Variants in ABCA13 observed in about 807,000 individuals in gnomAD.
ABCA13 encodes the protein ATP binding cassette subfamily A member 13, also known as ATP-binding cassette sub-family A member 13.
In ABCA13, 476 loss-of-function variants were observed where a neutral mutation model predicts 478.7. The observed-to-expected ratio is 0.99, with a 90% CI of 0.92 to 1.07. The LOEUF is 1.07. ABCA13 is among the 50% of genes least tolerant of loss of function. The pLI, the probability that ABCA13 is intolerant of heterozygous loss-of-function variation, is 0.00. For synonymous variants in ABCA13, 2,252 were observed against 2,158.9 expected, an observed-to-expected ratio of 1.04 and a Z score of -1.20; for missense variants, 6,060 against 5,910.6, an observed-to-expected ratio of 1.03 and a Z score of -0.83.
intron 19 of ABCA13, among the ~76,000 whole-genome samples, chr7:48,285,540 A>G (rs904792584): frequency 6.6e-6 from 1 of 152,244 alleles, no homozygotes; most frequent in African/African-American, 2.4e-5. Context: ...ACAGCCCAGC[A>G]CTGCATCCCA....
chr7:48,272,734 G>C lies in ABCA13; in HGVS notation c.3068G>C (p.Gly1023Ala), dbSNP rs1584546234. The change falls in exon 17 of 62, where the codon GGA becomes GCA. Residue 1023 changes from glycine (G) to alanine (A), a missense_variant. By Grantham distance (60) the Gly-to-Ala change is moderately conservative. This residue lies in a region of ABCA13 where 4,423 missense variants were observed against 4,309.1 expected (regional missense o/e 1.03). Transcript: ENST00000435803. ...FLFKTAEVLGGISNVSYCQQL... is the reference protein window; with the variant it reads ...FLFKTAEVLGAISNVSYCQQL... Reference sequence around the variant, plus strand: ...TTTAAGACAGCAGAGGTTCTTGGGGGAATTTCTAATGTATCTTACTGTCAG... The same window carrying C: ...TTTAAGACAGCAGAGGTTCTTGGGGCAATTTCTAATGTATCTTACTGTCAG... 1 of 1,609,978 alleles carries C rather than the reference G, an allele frequency of 6.2e-7. No individual in the cohort carries two copies.
rs75692489 is a variant in ABCA13 at position 48,513,158 on chromosome 7, G to C, written c.13640+1959G>C. Among the ~76,000 whole-genome samples, 721 of 152,304 alleles carry C rather than the reference G, an allele frequency of 4.7e-3. 4 individuals carry two copies. The highest frequency in any genetic ancestry group is 0.016 in the African/African-American group (680 of 41,568). On this transcript the variant is annotated intron_variant, in intron 51 of 61. Transcript: ENST00000435803. ...AGGATAGCAGAATTGGCTCATGCCT[G>C]CTGTCCTTCTAAGGACCTATGGGTA...
intron 31 of ABCA13, among the ~76,000 whole-genome samples, chr7:48,353,614 C>T (rs1809406277): frequency 6.6e-6 from 1 of 151,586 alleles, no homozygotes; most frequent in African/African-American, 2.4e-5. Flanking sequence ...CTGGGCGACA[C>T]ACACGTGAGG....
At chr7:48,175,197 CTAAT>C (rs1256228981) in intron 1 of ABCA13, among the ~76,000 whole-genome samples, 8 of 152,202 alleles carry the variant, frequency 5.3e-5, no homozygotes, top group South Asian at 2.1e-4. Context: ...GTAAATCAGT[CTAAT>C]TAATTACTTA....
intron 8 of ABCA13, among the ~76,000 whole-genome samples, chr7:48,238,421 A>G (rs1425940564): frequency 6.6e-6 from 1 of 152,204 alleles, no homozygotes; most frequent in African/African-American, 2.4e-5. Flanking sequence ...TTATATCATA[A>G]ACATAAGTAT....
At chr7:48,422,419 C>T (rs192003115) in intron 41 of ABCA13, among the ~76,000 whole-genome samples, 1 of 152,284 alleles carries the variant, frequency 6.6e-6, no homozygotes, top group African/African-American at 2.4e-5. Context: ...TAGGATGTCA[C>T]AGAGCCTGAG....
At chr7:48,388,648 G>C (rs549663657) in intron 36 of ABCA13, among the ~76,000 whole-genome samples, 1 of 152,200 alleles carries the variant, frequency 6.6e-6, no homozygotes, top group Admixed American at 6.5e-5. Context: ...TCTGAATTAT[G>C]AATCTTTTAG....
intron 55 of ABCA13, among the ~76,000 whole-genome samples, chr7:48,578,595 A>C (rs976160252): frequency 1.3e-5 from 2 of 152,208 alleles, no homozygotes; most frequent in African/African-American, 4.8e-5. Context: ...TTTGGGGTAG[A>C]AAAACTTAAC....
rs1298786206 is a variant in ABCA13, at chr7:48,413,581, T to C, written c.12459+998T>C. Among the ~76,000 whole-genome samples the C allele has an allele frequency of 9.9e-5, 15 of 152,284 alleles. No homozygotes were observed. In the East Asian group the frequency reaches 2.9e-3, roughly 29 times the overall value. Reference sequence around the variant, plus strand: ...TAAAATGTCACGGGTTTTCAAAAAATCAAGTGCTGCAAGTTAAAATTTTTA... The same window carrying C: ...TAAAATGTCACGGGTTTTCAAAAAACCAAGTGCTGCAAGTTAAAATTTTTA... On this transcript the variant is annotated intron_variant, in intron 41 of 61. Transcript: ENST00000435803.
chr7:48,637,771 A>G (rs1794792631), intron 59 of ABCA13, among the ~76,000 whole-genome samples: 1 of 152,196 alleles, frequency 6.6e-6, no homozygotes, highest in Non-Finnish European at 1.5e-5. Context: ...GTTACTCTAA[A>G]GAACAAAGGA....
intron 58 of ABCA13, among the ~76,000 whole-genome samples, chr7:48,610,932 C>G (rs111327120): frequency 1.3e-5 from 2 of 152,198 alleles, no homozygotes; most frequent in African/African-American, 4.8e-5. Flanking sequence ...GCCTATGATG[C>G]GAGGGGGGCT....
intron 9 of ABCA13, among the ~76,000 whole-genome samples, chr7:48,239,728 C>A (rs1205578576): frequency 6.6e-6 from 1 of 152,220 alleles, no homozygotes; most frequent in African/African-American, 2.4e-5. Flanking sequence ...ATGACCAGCT[C>A]TTTGGACATT....
At chr7:48,182,766 T>C (rs911278251) in intron 1 of ABCA13, among the ~76,000 whole-genome samples, 1 of 152,196 alleles carries the variant, frequency 6.6e-6, no homozygotes, top group Non-Finnish European at 1.5e-5. Flanking sequence ...TTTTGGACTT[T>C]GATGGAGAGA....
chr7:48,545,931 T>C (rs1224051173), intron 55 of ABCA13, among the ~76,000 whole-genome samples: 1 of 151,686 alleles, frequency 6.6e-6, no homozygotes, highest in East Asian at 1.9e-4. Context: ...ATAGAGACAA[T>C]GGGAGAGAGG....
At chr7:48,438,419 A>G (rs1823132196) in intron 42 of ABCA13, among the ~76,000 whole-genome samples, 1 of 152,028 alleles carries the variant, frequency 6.6e-6, no homozygotes, top group African/African-American at 2.4e-5. Context: ...GTGTTTCCAT[A>G]GGGACAGGGG....
Position 48,273,946 on chromosome 7 carries a change from T to G in ABCA13, c.4280T>G (p.Ile1427Arg). Residue 1427 changes from isoleucine (I) to arginine (R), a missense_variant, in exon 17 of 62, where the codon ATA becomes AGA. Around this residue, in one of 3 missense-constraint regions of ABCA13, gnomAD observed 4,423 missense variants for 4,309.1 expected, o/e 1.03. Coordinates refer to ENST00000435803, the MANE Select transcript of ABCA13 (RefSeq NM_152701.5). Reference protein sequence around the residue: ...LQNILGNFRDIENKMNSILKI... With the variant: ...LQNILGNFRDRENKMNSILKI... Reference sequence around the variant, plus strand: ...AATATTTTGGGGAATTTCAGAGATATAGAAAACAAAATGAACTCTATATTA... The same window carrying G: ...AATATTTTGGGGAATTTCAGAGATAGAGAAAACAAAATGAACTCTATATTA... 6.2e-7 allele frequency: 1 copy of G among 1,611,838 alleles called. No homozygotes were observed. Among genetic ancestry groups the G allele is most frequent in the Non-Finnish European group, 8.5e-7 (1 of 1,178,690 alleles).
chr7:48,339,057 T>G (rs1806713631), intron 29 of ABCA13, among the ~76,000 whole-genome samples: 1 of 152,188 alleles, frequency 6.6e-6, no homozygotes, highest in South Asian at 2.1e-4. Flanking sequence ...ATCAGGGCCC[T>G]GCCAGAGAAG....
At chr7:48,214,849 C>A in intron 3 of ABCA13, among the ~76,000 whole-genome samples, 1 of 152,270 alleles carries the variant, frequency 6.6e-6, no homozygotes, top group Admixed American at 6.5e-5. Flanking sequence ...ACTTTCTTAT[C>A]ATTTGTGTTT....
intron 31 of ABCA13, among the ~76,000 whole-genome samples, chr7:48,356,521 AC>A (rs1809951483): frequency 6.6e-6 from 1 of 151,766 alleles, no homozygotes; most frequent in Non-Finnish European, 1.5e-5. Context: ...AAGTGGAGAG[AC>A]CTACTATAGG....
Sources: allele counts gnomAD v4.1 joint callset (sites outside exome capture counted in the v4.1 genomes callset), GRCh38; gene constraint gnomAD v4.1.1; regional missense constraint gnomAD v4.1.1; transcripts MANE v1.5; gene names NCBI Gene and HGNC (gene_info 2026-07-23, HGNC 2026-07-21).